The following KCNH7 variants were observed in gnomAD, a reference collection of about 807,000 sequenced individuals.
KCNH7 encodes potassium voltage-gated channel subfamily H member 7, also known as voltage-gated inwardly rectifying potassium channel KCNH7.
Under a neutral mutation model 120.8 loss-of-function variants are expected in KCNH7, and 49 were observed. The ratio of observed to expected loss-of-function variants is 0.41; its 90% confidence interval spans 0.32 to 0.51. The LOEUF (loss-of-function observed/expected upper bound fraction) is 0.51. KCNH7 is among the 20% of genes least tolerant of loss of function. The probability of loss-of-function intolerance (pLI) is 0.38; values close to 1 mark genes in which losing one functional copy is unlikely to be tolerated. For synonymous variants in KCNH7, 547 were observed against 516.1 expected, an observed-to-expected ratio of 1.06 and a Z score of -0.81; for missense variants, 1,097 against 1,446.6, an observed-to-expected ratio of 0.76 and a Z score of 3.92.
chr2:162,605,969 T>G (rs1465443568), intron 2 of KCNH7, among the ~76,000 whole-genome samples: 1 of 152,136 alleles, frequency 6.6e-6, no homozygotes, highest in Non-Finnish European at 1.5e-5. Context: ...TACTCCAATA[T>G]GCCAAGACTT....
intron 6 of KCNH7, among the ~76,000 whole-genome samples, chr2:162,497,730 T>C (rs533364486): frequency 6.6e-6 from 1 of 152,292 alleles, no homozygotes; most frequent in South Asian, 2.1e-4. Flanking sequence ...TTCTTCTCTA[T>C]GAAATGCATA....
At chr2:162,383,467 G>T (rs1686484318) in intron 13 of KCNH7, among the ~76,000 whole-genome samples, 1 of 151,712 alleles carries the variant, frequency 6.6e-6, no homozygotes, top group Non-Finnish European at 1.5e-5. Flanking sequence ...TTCAATGTGG[G>T]GTCATGAAAA....
intron 2 of KCNH7, among the ~76,000 whole-genome samples, chr2:162,545,383 G>A (rs1692444598): frequency 6.6e-6 from 1 of 152,152 alleles, no homozygotes; most frequent in African/African-American, 2.4e-5. Flanking sequence ...ACACTGAGTT[G>A]TGTCCTGCTC....
At chr2:162,535,919 A>C (rs1421541822) in intron 3 of KCNH7, among the ~76,000 whole-genome samples, 3 of 151,888 alleles carry the variant, frequency 2.0e-5, no homozygotes, top group Non-Finnish European at 4.4e-5. Context: ...TGGCGAAAAG[A>C]TAGACTTTTT....
At chr2:162,628,410 G>T (rs547109358) in intron 2 of KCNH7, among the ~76,000 whole-genome samples, 1 of 152,078 alleles carries the variant, frequency 6.6e-6, no homozygotes, top group Non-Finnish European at 1.5e-5. Flanking sequence ...TATGTGGGGT[G>T]AGGAATGCTC....
chr2:162,686,544 T>C (rs1180149838), intron 2 of KCNH7, among the ~76,000 whole-genome samples: 3 of 152,136 alleles, frequency 2.0e-5, no homozygotes, highest in African/African-American at 7.2e-5. Context: ...GTGGATCATG[T>C]TTTACAAATG....
chr2:162,452,860 ATTACATATTTC>A, intron 6 of KCNH7, among the ~76,000 whole-genome samples: 1 of 152,054 alleles, frequency 6.6e-6, no homozygotes, highest in Non-Finnish European at 1.5e-5. Flanking sequence ...AAATATTTGC[ATTACATATTTC>A]TTTTAATATT....
At chr2:162,634,579 T>C (rs1683889767) in intron 2 of KCNH7, among the ~76,000 whole-genome samples, 1 of 152,000 alleles carries the variant, frequency 6.6e-6, no homozygotes, top group African/African-American at 2.4e-5. Context: ...TGCCAACCTA[T>C]CAGGTGAGCA....
At position 162,699,697 on chromosome 2, in the gene KCNH7, C is replaced by T. The variant is rs1481741085; in HGVS notation, c.307+136840G>A. 3.3e-5 allele frequency among the ~76,000 whole-genome samples: 5 copies of T among 152,242 alleles called. No homozygotes were observed. The South Asian group carries it at 1.0e-3, about 32-fold the overall frequency. Reference sequence around the variant, plus strand: ...TTGCTTTTAACTTAGTAAATGCTAACTGACAAATGGATCATCAATAATCAC... The same window carrying T: ...TTGCTTTTAACTTAGTAAATGCTAATTGACAAATGGATCATCAATAATCAC... On this transcript the variant is annotated intron_variant, in intron 2 of 15. Transcript: ENST00000332142.
At chr2:162,769,567 G>A (rs1325218823) in intron 2 of KCNH7, among the ~76,000 whole-genome samples, 2 of 151,866 alleles carry the variant, frequency 1.3e-5, no homozygotes, top group Non-Finnish European at 2.9e-5. Context: ...CCAAGGAAAA[G>A]GTAGAGAAAA....
At chr2:162,800,851 T>A (rs1310153953) in intron 2 of KCNH7, among the ~76,000 whole-genome samples, 1 of 151,886 alleles carries the variant, frequency 6.6e-6, no homozygotes, top group Non-Finnish European at 1.5e-5. Context: ...AATCCTGTGT[T>A]CTTGTAGTCT....
At position 162,512,795 on chromosome 2, in the gene KCNH7, C is replaced by T. The variant is rs562873806; in HGVS notation, c.893-121G>A. The stretch of plus-strand genomic sequence containing the variant: ...GAAATCAGAATATGATGGAAAATTT[C>T]TCTTTAATTGAAATTAACATTTTGT... On this transcript the variant is annotated intron_variant, in intron 4 of 15. Coordinates refer to ENST00000332142, the MANE Select transcript of KCNH7 (RefSeq NM_033272.4). The T allele has an allele frequency of 1.7e-3, 1,244 of 738,582 alleles. 3 individuals carry two copies. The highest frequency in any genetic ancestry group is 2.2e-3 in the Non-Finnish European group (1,041 of 464,072). 45.8% of individuals were successfully genotyped at this position (738,582 alleles called of 1,614,324 possible).
chr2:162,750,252 C>T (rs1178264535), intron 2 of KCNH7, among the ~76,000 whole-genome samples: 1 of 151,998 alleles, frequency 6.6e-6, no homozygotes. Context: ...AACAGCTTTG[C>T]TGTGCCCTGA....
intron 6 of KCNH7, among the ~76,000 whole-genome samples, chr2:162,486,888 T>C (rs190592129): frequency 2.0e-5 from 3 of 152,336 alleles, no homozygotes; most frequent in Admixed American, 6.5e-5. Context: ...CAGGAATTTT[T>C]AGAACCTTAA....
chr2:162,445,265 T>A (rs1043377702), intron 7 of KCNH7, among the ~76,000 whole-genome samples: 1 of 152,128 alleles, frequency 6.6e-6, no homozygotes. Context: ...ACACAATTTT[T>A]AAAAATCCAA....
chr2:162,461,692 T>C (rs1689149828), intron 6 of KCNH7, among the ~76,000 whole-genome samples: 1 of 152,202 alleles, frequency 6.6e-6, no homozygotes, highest in African/African-American at 2.4e-5. Flanking sequence ...GTTATATCTA[T>C]TGGTTTTTGG....
chr2:162,469,849 GGC>G (rs1035443377), intron 6 of KCNH7, among the ~76,000 whole-genome samples: 94 of 152,298 alleles, frequency 6.2e-4, no homozygotes, highest in South Asian at 3.9e-3. Flanking sequence ...TGCGATTGCA[GGC>G]GCGCGCCGCC....
At chr2:162,385,091 G>T (rs1686535794) in intron 12 of KCNH7, 152 bp from the exon 13 acceptor site, 1 of 539,072 alleles carries the variant, frequency 1.9e-6, no homozygotes, top group Non-Finnish European at 3.2e-6. Context: ...AAATTCAAGG[G>T]TTATTAGATT....
At chr2:162,384,597 A>T in intron 13 of KCNH7, 91 bp downstream of exon 13, 1 of 1,193,658 alleles carries the variant, frequency 8.4e-7, no homozygotes, top group South Asian at 1.4e-5. Flanking sequence ...AATTAGATTA[A>T]CATGTGTCAG....
Sources: allele counts gnomAD v4.1 joint callset (sites outside exome capture counted in the v4.1 genomes callset), GRCh38; gene constraint gnomAD v4.1.1; transcripts MANE v1.5; gene names NCBI Gene and HGNC (gene_info 2026-07-23, HGNC 2026-07-21).